SIPA1L2: variants seen among roughly 807,000 people sequenced by gnomAD.
SIPA1L2 encodes signal induced proliferation associated 1 like 2.
SIPA1L2 carries 56 observed loss-of-function variants against 163.9 expected under a neutral mutation model. The ratio of observed to expected loss-of-function variants is 0.34; its 90% CI spans 0.28 to 0.43. The LOEUF is 0.43. Among genes scored for constraint, SIPA1L2 ranks in the 20% least tolerant of loss-of-function variants. The pLI, the probability that SIPA1L2 is intolerant of heterozygous loss-of-function variation, is 1.00. For missense variants in SIPA1L2, 1,974 were observed against 2,193.5 expected (o/e 0.90, Z 2.00); for synonymous variants, 877 against 865.7 (o/e 1.01, Z -0.23).
chr1:232,575,111 G>A (rs1459595054), intron 1 of SIPA1L2, among the ~76,000 whole-genome samples: 1 of 152,164 alleles, frequency 6.6e-6, no homozygotes, highest in Non-Finnish European at 1.5e-5. Context: ...GCGCCCTAGG[G>A]CTCACACTCA....
At chr1:232,449,670 T>C (rs536812512) in intron 10 of SIPA1L2, among the ~76,000 whole-genome samples, 2 of 151,860 alleles carry the variant, frequency 1.3e-5, no homozygotes, top group African/African-American at 4.8e-5. Context: ...AACTAAGATA[T>C]GTAAAACTGG....
chr1:232,584,606 A>G (rs2102812830), intron 1 of SIPA1L2, among the ~76,000 whole-genome samples: 1 of 152,330 alleles, frequency 6.6e-6, no homozygotes, highest in South Asian at 2.1e-4. Flanking sequence ...TGATCAAACA[A>G]ATTTGTATGC....
At chr1:232,407,740 C>T (rs1660723921) in intron 19 of SIPA1L2, among the ~76,000 whole-genome samples, 1 of 152,178 alleles carries the variant, frequency 6.6e-6, no homozygotes, top group African/African-American at 2.4e-5. Context: ...ACATGGAATC[C>T]AGAGTCTAGG....
In SIPA1L2 at chr1:232,465,275, T is replaced by C. The variant is rs1320067118; in HGVS notation, c.2385A>G (p.Glu795=). ...TTCGAGTGGCCATTGCTCGAAACTT[T>C]TCTGATTTATGGGCTGCATTTTCTG... is the stretch of plus-strand genomic sequence containing the variant. The part of the protein sequence containing the change: ...INAENAAHKS[E]KFRAMATRTR... The change falls in exon 9 of 23, where the codon GAA becomes GAG. Residue 795 remains glutamate, a synonymous_variant. Transcript: ENST00000674635. This position sits in a 1 kb window ranked among gnomAD's most constrained non-coding sequence, Gnocchi z 4.1. The C allele has an allele frequency of 6.2e-7, 1 of 1,614,198 alleles. No individual in the cohort carries two copies.
Position 232,439,378 on chromosome 1 carries a change from C to A in SIPA1L2, c.3761G>T (p.Gly1254Val). The change falls in exon 15 of 23, where the codon GGG (glycine) becomes GTG (valine). Residue 1254 changes from glycine (G) to valine (V), a missense_variant. Physicochemically the swap from Gly to Val is moderately radical, Grantham distance 109. Transcript: ENST00000674635. Reference protein sequence around the residue: ...SGDLMDPELLGLTYIKGASTD... With the variant: ...SGDLMDPELLVLTYIKGASTD... Reference sequence around the variant, plus strand: ...GGAGGCCCCTTTGATGTAGGTCAGCCCCAGTAATTCGGGGTCCATCAGGTC... The same window carrying A: ...GGAGGCCCCTTTGATGTAGGTCAGCACCAGTAATTCGGGGTCCATCAGGTC... 6.2e-7 allele frequency: 1 copy of A among 1,614,198 alleles called. No homozygotes were observed. Among genetic ancestry groups the A allele is most frequent in the East Asian group, 2.2e-5 (1 of 44,886 alleles).
intron 16 of SIPA1L2, among the ~76,000 whole-genome samples, chr1:232,429,608 T>TAAAAAAAAAAAAAAAAAAAAAAAA (rs35262191): frequency 7.3e-6 from 1 of 137,784 alleles, no homozygotes. Flanking sequence ...ATAGTGGCTG[T>TAAAAAAAAAAAAAAAAAAAAAAAA]AAAAAAAAAA....
intron 19 of SIPA1L2, among the ~76,000 whole-genome samples, chr1:232,405,566 G>A (rs1336857287): frequency 6.6e-6 from 1 of 152,204 alleles, no homozygotes; most frequent in East Asian, 1.9e-4. Flanking sequence ...GGGTGGGGAG[G>A]TCTGGGCTGC....
chr1:232,471,675 A>G, intron 7 of SIPA1L2, 147 bp from the exon 8 acceptor site: 2 of 653,914 alleles, frequency 3.1e-6, no homozygotes, highest in South Asian at 7.0e-5. Context: ...TTGGCATAGA[A>G]AAAGCAAAAT....
rs770791838 is a variant in SIPA1L2, at chr1:232,428,465, A to C, written c.4356T>G (p.Asp1452Glu). Residue 1452 changes from aspartate (D) to glutamate (E), a missense_variant, in exon 17 of 23, where the codon GAT (aspartate) becomes GAG (glutamate). Physicochemically the swap from Asp to Glu is conservative, Grantham distance 45. Around this residue, in one of 3 missense-constraint regions of SIPA1L2, gnomAD observed 1,079 missense variants for 1,150.7 expected, o/e 0.94. Transcript: ENST00000674635. The stretch of plus-strand genomic sequence containing the variant: ...TGTCAGGAAGCATCAATTTCAGAAA[A>C]TCTTCTTTAGACAGAACATGTTGAG... ...AETQHVLSKE[D>E]FLKLMLPDSP... 1 of 1,588,954 alleles carries C rather than the reference A, an allele frequency of 6.3e-7. No homozygotes were observed. The highest frequency in any genetic ancestry group is 8.6e-7 in the Non-Finnish European group (1 of 1,168,380).
intron 8 of SIPA1L2, 59 bp downstream of exon 8, chr1:232,471,311 GA>G: frequency 1.3e-6 from 2 of 1,529,948 alleles, no homozygotes; most frequent in Admixed American, 2.3e-5. Flanking sequence ...ATATTTTTGG[GA>G]AAAGACGCCC....
rs376754405 is a variant in SIPA1L2 at position 232,625,142 on chromosome 1, T to A, written c.-319+4727A>T. Among the ~76,000 whole-genome samples the A allele has an allele frequency of 9.9e-5, 15 of 152,224 alleles. No homozygotes were observed. In the East Asian group the frequency reaches 1.2e-3, roughly 12 times the overall value. Reference sequence around the variant, plus strand: ...GGAGGTTTGACACACTCTTTCAGGATATCCATGTGGAAAGGTGGAGCTATA... The same window carrying A: ...GGAGGTTTGACACACTCTTTCAGGAAATCCATGTGGAAAGGTGGAGCTATA... On this transcript the variant is annotated intron_variant, in intron 1 of 22. Coordinates refer to ENST00000674635, the MANE Select transcript of SIPA1L2 (RefSeq NM_020808.5).
At chr1:232,430,852 C>T (rs755267987) in intron 16 of SIPA1L2, among the ~76,000 whole-genome samples, 16 of 152,188 alleles carry the variant, frequency 1.1e-4, no homozygotes, top group South Asian at 4.1e-4. Context: ...GCCATTTGCC[C>T]TTCCATACCA....
rs56208215 is a variant in SIPA1L2 at position 232,608,047 on chromosome 1, C to CAAAAAAAAAAAAAAAAAAAA, written c.-319+21802_-319+21821dup. Among the ~76,000 whole-genome samples, 14 of 67,496 alleles carry CAAAAAAAAAAAAAAAAAAAA rather than the reference C, an allele frequency of 2.1e-4. 1 individual carries two copies. Among genetic ancestry groups the CAAAAAAAAAAAAAAAAAAAA allele is most frequent in the Middle Eastern group, 9.1e-3 (1 of 110 alleles). The allele number at this position is 67,496 out of a possible 152,430, so 44.3% of individuals were successfully genotyped here. ...GGGCAACAAGAGCGAAACTCCATCT[C>CAAAAAAAAAAAAAAAAAAAA]AAAAAAAAAAAAAAAAAAAAAACGA... On this transcript the variant is annotated intron_variant, in intron 1 of 22. Transcript: ENST00000674635.
At chr1:232,464,779 T>A in intron 9 of SIPA1L2, 61 bp downstream of exon 9, 1 of 1,374,026 alleles carries the variant, frequency 7.3e-7, no homozygotes, top group Non-Finnish European at 9.9e-7. Flanking sequence ...CCAGTGAAAG[T>A]TATTTTGAAT....
chr1:232,493,681 T>C (rs1298177525), intron 3 of SIPA1L2, 21 bp from the exon 4 acceptor site: 2 of 1,612,808 alleles, frequency 1.2e-6, no homozygotes, highest in South Asian at 2.2e-5. Context: ...AGAGAGAGGG[T>C]GGCATCAAAA....
intron 2 of SIPA1L2, among the ~76,000 whole-genome samples, chr1:232,545,185 T>G (rs1657955728): frequency 1.3e-5 from 2 of 152,258 alleles, no homozygotes; most frequent in Admixed American, 1.3e-4. Flanking sequence ...TACTCAGCAA[T>G]GCCGTAAGCG....
chr1:232,598,692 C>A (rs1208549187), intron 1 of SIPA1L2, among the ~76,000 whole-genome samples: 1 of 152,116 alleles, frequency 6.6e-6, no homozygotes, highest in Non-Finnish European at 1.5e-5. Context: ...ACATGGGTCT[C>A]TTCCTCTCTT....
At chr1:232,615,499 A>C (rs2039490) in intron 1 of SIPA1L2, among the ~76,000 whole-genome samples, 73,568 of 152,006 alleles carry the variant, frequency 0.48, 18,144 homozygotes, top group African/African-American at 0.57. Flanking sequence ...GAATCACAGG[A>C]AAGCCAGAGG....
intron 18 of SIPA1L2, among the ~76,000 whole-genome samples, chr1:232,421,416 T>C (rs1188441024): frequency 1.3e-5 from 2 of 150,340 alleles, no homozygotes; most frequent in Non-Finnish European, 2.9e-5. Flanking sequence ...TTGCTATTAT[T>C]ATAAATGCCA....
Sources: gnomAD v4.1 joint callset for allele counts (sites outside exome capture counted in the v4.1 genomes callset) on GRCh38, gnomAD v4.1.1 for gene constraint, gnomAD v4.1.1 regional missense constraint, Gnocchi (gnomAD v3.1) non-coding constraint, MANE v1.5 for transcripts, NCBI Gene and HGNC (gene_info 2026-07-23, HGNC 2026-07-21) for gene names.